DAB1: variants seen among roughly 807,000 people sequenced by gnomAD.
DAB1 encodes DAB adaptor protein 1.
DAB1 carries 15 observed loss-of-function variants against 64.6 expected under a neutral mutation model. The observed-to-expected ratio is 0.23, with a 90% CI of 0.16 to 0.36. The LOEUF (loss-of-function observed/expected upper bound fraction) is 0.36. Among genes scored for constraint, DAB1 ranks in the 10% least tolerant of loss-of-function variants. DAB1 has a pLI of 1.00. For missense variants in DAB1, 596 were observed against 706.7 expected, an observed-to-expected ratio of 0.84 and a Z score of 1.78; for synonymous variants, 235 against 251.9, an observed-to-expected ratio of 0.93 and a Z score of 0.64.
chr1:58,016,660 G>C (rs1411959100), intron 5 of DAB1, among the ~76,000 whole-genome samples: 2 of 152,084 alleles, frequency 1.3e-5, no homozygotes, highest in East Asian at 3.9e-4. Flanking sequence ...AAACTAAAAA[G>C]CCCTGAACGA....
chr1:58,249,606 A>T (rs1036056963), intron 4 of DAB1, among the ~76,000 whole-genome samples: 1 of 152,126 alleles, frequency 6.6e-6, no homozygotes, highest in Non-Finnish European at 1.5e-5. Context: ...GAGAACGCGG[A>T]CTGAGCGAGG....
chr1:58,211,442 C>T (rs1250533364), intron 4 of DAB1, among the ~76,000 whole-genome samples: 2 of 152,126 alleles, frequency 1.3e-5, no homozygotes, highest in Non-Finnish European at 2.9e-5. Flanking sequence ...TCACACTGCA[C>T]CTGCTCTTCA....
chr1:57,621,259 T>G (rs1645854692), intron 7 of DAB1, among the ~76,000 whole-genome samples: 1 of 87,342 alleles, frequency 1.1e-5, no homozygotes. Context: ...GGGAGTGAGA[T>G]TGTTGTGTGT....
chr1:57,516,299 A>G (rs1644462759), intron 7 of DAB1, among the ~76,000 whole-genome samples: 1 of 152,368 alleles, frequency 6.6e-6, no homozygotes, highest in East Asian at 1.9e-4. Context: ...GTACACATTA[A>G]CATGTAAGAG....
At chr1:57,496,619 A>G (rs1035126641) in intron 7 of DAB1, among the ~76,000 whole-genome samples, 1 of 152,236 alleles carries the variant, frequency 6.6e-6, no homozygotes, top group Non-Finnish European at 1.5e-5. Context: ...AGAAGCTTGC[A>G]CAAAATCACA....
chr1:57,684,102 C>T (rs185787446), intron 6 of DAB1, among the ~76,000 whole-genome samples: 13 of 152,190 alleles, frequency 8.5e-5, no homozygotes, highest in Admixed American at 2.6e-4. Context: ...AAAAAACCTT[C>T]AAGAAATGTG....
intron 4 of DAB1, among the ~76,000 whole-genome samples, chr1:58,214,416 A>G (rs1658732100): frequency 6.6e-6 from 1 of 152,210 alleles, no homozygotes; most frequent in African/African-American, 2.4e-5. Flanking sequence ...TGGAGCTAAA[A>G]GCTGACAAAG....
chr1:57,904,356 C>G (rs1425768085), intron 5 of DAB1, among the ~76,000 whole-genome samples: 3 of 152,150 alleles, frequency 2.0e-5, no homozygotes, highest in Non-Finnish European at 4.4e-5. Flanking sequence ...GCTCGAGGGT[C>G]TTTCATTCAC....
chr1:58,106,064 G>C (rs547153616), intron 5 of DAB1, among the ~76,000 whole-genome samples: 5 of 148,332 alleles, frequency 3.4e-5, no homozygotes, highest in Admixed American at 1.3e-4. Context: ...TTGTTGTTTT[G>C]GTTTTTTGTT....
intron 7 of DAB1, among the ~76,000 whole-genome samples, chr1:57,503,576 CACAT>C (rs1163825969): frequency 1.3e-5 from 2 of 152,238 alleles, no homozygotes; most frequent in African/African-American, 4.8e-5. Flanking sequence ...GCAGAATAGA[CACAT>C]ACTCTAAGAC....
intron 5 of DAB1, among the ~76,000 whole-genome samples, chr1:57,966,529 A>G (rs12029627): frequency 0.038 from 5,782 of 152,262 alleles, 200 homozygotes; most frequent in East Asian, 0.12. Flanking sequence ...AGCAGAATGT[A>G]GCTGCATGAA....
chr1:57,374,750 T>A (rs1294071015), intron 1 of DAB1, among the ~76,000 whole-genome samples: 1 of 152,166 alleles, frequency 6.6e-6, no homozygotes. Context: ...ATAAAATACC[T>A]GGGTAGCACC....
At chr1:57,252,858 C>A (rs1388214911) in intron 2 of DAB1, among the ~76,000 whole-genome samples, 1 of 152,170 alleles carries the variant, frequency 6.6e-6, no homozygotes, top group African/African-American at 2.4e-5. Flanking sequence ...GCTTAAAAAT[C>A]ATGCTAACCT....
intron 6 of DAB1, among the ~76,000 whole-genome samples, chr1:57,780,720 T>A (rs540201467): frequency 6.6e-6 from 1 of 152,018 alleles, no homozygotes; most frequent in African/African-American, 2.4e-5. Flanking sequence ...TTTCTTTTTT[T>A]CTTTTCTTTT....
At chr1:57,877,176 T>C (rs138639607) in intron 1 of DAB1, among the ~76,000 whole-genome samples, 1 of 152,292 alleles carries the variant, frequency 6.6e-6, no homozygotes, top group East Asian at 1.9e-4. Flanking sequence ...TTAAGACACA[T>C]GCCCAAAGCC....
intron 6 of DAB1, among the ~76,000 whole-genome samples, chr1:57,746,817 TGG>T (rs1381257360): frequency 6.6e-6 from 1 of 152,204 alleles, no homozygotes; most frequent in East Asian, 1.9e-4. Context: ...AATCTGTGAT[TGG>T]TTGAACCCAT....
intron 7 of DAB1, among the ~76,000 whole-genome samples, chr1:57,470,372 T>C (rs530858852): frequency 6.6e-6 from 1 of 152,334 alleles, no homozygotes; most frequent in African/African-American, 2.4e-5. Context: ...GAACTCCAGA[T>C]TTTCAAAAAC....
intron 1 of DAB1, among the ~76,000 whole-genome samples, chr1:57,362,103 T>C (rs1262826419): frequency 1.3e-5 from 2 of 152,202 alleles, no homozygotes; most frequent in African/African-American, 4.8e-5. Flanking sequence ...TATTAATTTG[T>C]TCCATATGAG....
At chr1:57,881,607 T>C (rs1165693110) in intron 1 of DAB1, among the ~76,000 whole-genome samples, 13 of 152,222 alleles carry the variant, frequency 8.5e-5, no homozygotes, top group Admixed American at 8.5e-4. Context: ...CCACTTAAAC[T>C]ATGCAGACAC....
Sources: allele counts gnomAD v4.1 joint callset (sites outside exome capture counted in the v4.1 genomes callset), GRCh38; gene constraint gnomAD v4.1.1; transcripts MANE v1.5; gene names NCBI Gene and HGNC (gene_info 2026-07-23, HGNC 2026-07-21).